NAALADL2: variants seen among roughly 807,000 people sequenced by gnomAD.
The protein encoded by NAALADL2 is inactive N-acetylated-alpha-linked acidic dipeptidase-like protein 2.
A neutral mutation model predicts 87.2 loss-of-function variants in NAALADL2; 76 were observed. The ratio of observed to expected loss-of-function variants is 0.87; its 90% confidence interval spans 0.72 to 1.05. NAALADL2 has a LOEUF of 1.05. NAALADL2 is among the 50% of genes least tolerant of loss of function. The probability of loss-of-function intolerance (pLI) is 0.00; values close to 1 mark genes in which losing one functional copy is unlikely to be tolerated. For missense variants in NAALADL2, 1,089 were observed against 945.8 expected, an observed-to-expected ratio of 1.15 and a Z score of -1.99; for synonymous variants, 354 against 331.0, an observed-to-expected ratio of 1.07 and a Z score of -0.75.
intron 9 of NAALADL2, among the ~76,000 whole-genome samples, chr3:175,532,340 T>C (rs1435156097): frequency 6.6e-6 from 1 of 152,170 alleles, no homozygotes; most frequent in Non-Finnish European, 1.5e-5. Context: ...GCCTGAGTTG[T>C]CCTTGGGGGA....
chr3:175,046,974 A>G (rs1754760702), intron 1 of NAALADL2, among the ~76,000 whole-genome samples: 1 of 152,150 alleles, frequency 6.6e-6, no homozygotes, highest in African/African-American at 2.4e-5. Context: ...CAGAAGATTC[A>G]GTGTCTGGCA....
At chr3:175,055,417 C>G (rs1711925916) in intron 1 of NAALADL2, among the ~76,000 whole-genome samples, 1 of 152,212 alleles carries the variant, frequency 6.6e-6, no homozygotes. Context: ...TGGCAAGGGT[C>G]CACAGACTCC....
At position 174,746,773 on chromosome 3, in the gene NAALADL2, C is replaced by T. The variant is rs957658649; in HGVS notation, c.-9+9027C>T. ...AAAATAGAGATCTCAGAAATAAGACCACCTATCTACAACCCTTTGATCTTT... is the reference window on the plus strand; with the variant it reads ...AAAATAGAGATCTCAGAAATAAGACTACCTATCTACAACCCTTTGATCTTT... On this transcript the variant is annotated intron_variant, in intron 3 of 3. Transcript: ENST00000434257. Among the ~76,000 whole-genome samples, 5 of 152,138 alleles carry T rather than the reference C, an allele frequency of 3.3e-5. No homozygotes were observed. In the East Asian group the frequency reaches 9.7e-4, roughly 29 times the overall value.
At chr3:175,013,169 A>ATAT (rs1750259042) in intron 1 of NAALADL2, among the ~76,000 whole-genome samples, 3 of 110,080 alleles carry the variant, frequency 2.7e-5, no homozygotes, top group South Asian at 2.6e-4. Context: ...ATAAATATGT[A>ATAT]ATACATATTT....
At chr3:174,563,934 C>T (rs1713926520) in intron 2 of NAALADL2, among the ~76,000 whole-genome samples, 1 of 152,088 alleles carries the variant, frequency 6.6e-6, no homozygotes, top group Non-Finnish European at 1.5e-5. Context: ...TTTAAACCTT[C>T]CGTAGATGGG....
chr3:175,215,521 C>T (rs889442537), intron 2 of NAALADL2, among the ~76,000 whole-genome samples: 1 of 152,142 alleles, frequency 6.6e-6, no homozygotes, highest in East Asian at 1.9e-4. Flanking sequence ...CCTCATTGCC[C>T]AGTGTTAAGT....
intron 2 of NAALADL2, among the ~76,000 whole-genome samples, chr3:175,221,812 G>C (rs1350912465): frequency 6.6e-6 from 1 of 150,450 alleles, no homozygotes; most frequent in African/African-American, 2.4e-5. Flanking sequence ...GTCTCGCTCT[G>C]TCACCCAGGC....
chr3:174,507,369 C>T (rs778354419), intron 1 of NAALADL2, among the ~76,000 whole-genome samples: 2 of 152,014 alleles, frequency 1.3e-5, no homozygotes, highest in Non-Finnish European at 2.9e-5. Flanking sequence ...TTTCTTCTTA[C>T]CTTCCTTCCA....
intron 6 of NAALADL2, among the ~76,000 whole-genome samples, chr3:175,453,899 T>G (rs1162737708): frequency 6.6e-6 from 1 of 152,136 alleles, no homozygotes; most frequent in East Asian, 1.9e-4. Flanking sequence ...GTTTTGAGAT[T>G]ATTTCTTCGG....
chr3:174,706,247 C>A (rs1235375157), intron 2 of NAALADL2, among the ~76,000 whole-genome samples: 3 of 152,184 alleles, frequency 2.0e-5, no homozygotes, highest in East Asian at 1.9e-4. Flanking sequence ...AACTAAATAT[C>A]CATGTGCAGA....
At chr3:175,221,867 C>G (rs979067183) in intron 2 of NAALADL2, among the ~76,000 whole-genome samples, 11 of 151,854 alleles carry the variant, frequency 7.2e-5, no homozygotes, top group African/African-American at 2.7e-4. Context: ...TTCCACCTCC[C>G]AGGTTCAAGC....
chr3:175,656,889 T>G (rs1486169581), intron 11 of NAALADL2, among the ~76,000 whole-genome samples: 1 of 152,172 alleles, frequency 6.6e-6, no homozygotes, highest in African/African-American at 2.4e-5. Context: ...ATTAATGCCT[T>G]GAATGAATAC....
chr3:175,582,094 A>C (rs1169093076), intron 10 of NAALADL2, among the ~76,000 whole-genome samples: 2 of 152,198 alleles, frequency 1.3e-5, no homozygotes, highest in African/African-American at 4.8e-5. Flanking sequence ...GTTATAGAGC[A>C]GACTTGAAAA....
intron 5 of NAALADL2, among the ~76,000 whole-genome samples, chr3:175,387,943 A>C (rs1359349782): frequency 6.6e-6 from 1 of 152,120 alleles, no homozygotes; most frequent in Non-Finnish European, 1.5e-5. Context: ...GCTGATTGAC[A>C]GTTAATATTG....
intron 10 of NAALADL2, among the ~76,000 whole-genome samples, chr3:175,616,196 A>T (rs546570666): frequency 6.8e-6 from 1 of 148,056 alleles, no homozygotes; most frequent in East Asian, 2.0e-4. Context: ...ATTACAAGCA[A>T]TCATATTCAA....
intron 2 of NAALADL2, among the ~76,000 whole-genome samples, chr3:174,634,539 C>T (rs957962571): frequency 2.0e-5 from 3 of 152,056 alleles, no homozygotes; most frequent in African/African-American, 7.2e-5. Flanking sequence ...CTCAAATACA[C>T]TTATTTACAT....
intron 1 of NAALADL2, among the ~76,000 whole-genome samples, chr3:174,445,138 C>T (rs1202528660): frequency 6.6e-6 from 1 of 151,684 alleles, no homozygotes; most frequent in Non-Finnish European, 1.5e-5. Context: ...CATCTCTGCC[C>T]TCAATTTACC....
At chr3:175,023,576 A>G (rs1039761061) in intron 1 of NAALADL2, among the ~76,000 whole-genome samples, 2 of 152,072 alleles carry the variant, frequency 1.3e-5, no homozygotes, top group African/African-American at 2.4e-5. Flanking sequence ...AGGGGCTATG[A>G]AAAAAATTCT....
chr3:175,417,927 T>C (rs1581797668), intron 5 of NAALADL2, among the ~76,000 whole-genome samples: 1 of 152,132 alleles, frequency 6.6e-6, no homozygotes, highest in African/African-American at 2.4e-5. Context: ...ATCTGTTTAA[T>C]GGATTGAGCT....
Sources: gnomAD v4.1 joint callset for allele counts (sites outside exome capture counted in the v4.1 genomes callset) on GRCh38, gnomAD v4.1.1 for gene constraint, MANE v1.5 for transcripts, NCBI Gene and HGNC (gene_info 2026-07-23, HGNC 2026-07-21) for gene names.